Variants in FGGY observed in about 807,000 individuals in gnomAD.
The protein encoded by FGGY is FGGY carbohydrate kinase domain containing.
A neutral mutation model predicts 71.3 loss-of-function variants in FGGY; 72 were observed. The ratio of observed to expected loss-of-function variants is 1.01; its 90% CI spans 0.84 to 1.23. The LOEUF is 1.23. Ranked by LOEUF, FGGY falls within the 50% of genes most tolerant of loss-of-function variation. FGGY has a pLI of 0.00. For missense variants in FGGY, 668 were observed against 682.3 expected, an observed-to-expected ratio of 0.98 and a Z score of 0.23; for synonymous variants, 251 against 250.3, an observed-to-expected ratio of 1.00 and a Z score of -0.02.
At chr1:59,578,906 G>A (rs1422359504) in intron 8 of FGGY, among the ~76,000 whole-genome samples, 4 of 152,038 alleles carry the variant, frequency 2.6e-5, no homozygotes, top group Non-Finnish European at 5.9e-5. Context: ...GAGGGGGAGA[G>A]CGAGGTAGAA....
chr1:59,372,751 C>A (rs1274850998), intron 4 of FGGY, among the ~76,000 whole-genome samples: 1 of 152,014 alleles, frequency 6.6e-6, no homozygotes, highest in East Asian at 1.9e-4. Context: ...AAGGCTGGTC[C>A]AATATACGCA....
chr1:59,462,048 T>C (rs1278436361), intron 6 of FGGY, among the ~76,000 whole-genome samples: 1 of 145,818 alleles, frequency 6.9e-6, no homozygotes, highest in Non-Finnish European at 1.5e-5. Flanking sequence ...CATTGTTCAA[T>C]TCCCATCTAT....
intron 14 of FGGY, among the ~76,000 whole-genome samples, chr1:59,720,733 G>A (rs956779737): frequency 6.6e-6 from 1 of 152,070 alleles, no homozygotes. Context: ...GGGGAGGGAG[G>A]TATATTATGA....
chr1:59,407,549 G>A (rs1016721135), intron 5 of FGGY, among the ~76,000 whole-genome samples: 5 of 151,952 alleles, frequency 3.3e-5, no homozygotes, highest in African/African-American at 7.3e-5. Context: ...GCTCATCCAC[G>A]GGGAGAGAGA....
intron 6 of FGGY, among the ~76,000 whole-genome samples, chr1:59,472,389 G>A (rs1053493227): frequency 5.9e-5 from 9 of 152,202 alleles, no homozygotes; most frequent in African/African-American, 2.2e-4. Flanking sequence ...GCTCCTGTGG[G>A]GCCCGAGCCT....
At chr1:59,621,711 T>C (rs1237423307) in intron 9 of FGGY, among the ~76,000 whole-genome samples, 3 of 151,988 alleles carry the variant, frequency 2.0e-5, no homozygotes, top group Admixed American at 6.6e-5. Context: ...ATTCTTTCCC[T>C]TTATATAATA....
At chr1:59,706,138 G>A (rs1049188321) in intron 14 of FGGY, among the ~76,000 whole-genome samples, 1 of 152,150 alleles carries the variant, frequency 6.6e-6, no homozygotes, top group African/African-American at 2.4e-5. Context: ...AACTCACTGA[G>A]CCTCCTGCCT....
At chr1:59,515,991 G>A (rs2094637121) in intron 7 of FGGY, among the ~76,000 whole-genome samples, 1 of 152,200 alleles carries the variant, frequency 6.6e-6, no homozygotes. Flanking sequence ...TTAGATGCCA[G>A]CAGTGGCTGG....
At chr1:59,331,410 C>A (rs1329377366) in intron 2 of FGGY, among the ~76,000 whole-genome samples, 1 of 152,146 alleles carries the variant, frequency 6.6e-6, no homozygotes, top group African/African-American at 2.4e-5. Flanking sequence ...GTAATGCACG[C>A]CCCAACACAA....
intron 8 of FGGY, among the ~76,000 whole-genome samples, chr1:59,572,804 C>G (rs1048283612): frequency 6.6e-6 from 1 of 152,154 alleles, no homozygotes; most frequent in Non-Finnish European, 1.5e-5. Context: ...TGAGCTGCTC[C>G]CCAGTGAGTA....
intron 5 of FGGY, among the ~76,000 whole-genome samples, chr1:59,448,787 C>G (rs541328782): frequency 6.6e-6 from 1 of 152,002 alleles, no homozygotes; most frequent in South Asian, 2.1e-4. Flanking sequence ...TTCCAGAAGG[C>G]CAGATAGAGC....
At chr1:59,499,302 T>TTTTTTTTTTTTG (rs2094148944) in intron 6 of FGGY, among the ~76,000 whole-genome samples, 2 of 143,192 alleles carry the variant, frequency 1.4e-5, no homozygotes, top group African/African-American at 5.4e-5. Flanking sequence ...TATGTTTGTT[T>TTTTTTTTTTTTG]TTTTTTTTTT....
intron 6 of FGGY, among the ~76,000 whole-genome samples, chr1:59,494,492 G>A (rs2153594757): frequency 6.6e-6 from 1 of 152,294 alleles, no homozygotes; most frequent in Non-Finnish European, 1.5e-5. Flanking sequence ...ACAAGTGATG[G>A]GGTAAGAGGT....
intron 2 of FGGY, among the ~76,000 whole-genome samples, chr1:59,332,710 G>A (rs2048732560): frequency 6.6e-6 from 1 of 152,184 alleles, no homozygotes; most frequent in Non-Finnish European, 1.5e-5. Context: ...CTGTAGGTCT[G>A]TTGAGGGGAT....
intron 14 of FGGY, among the ~76,000 whole-genome samples, chr1:59,715,509 G>A (rs922777911): frequency 2.6e-5 from 4 of 152,156 alleles, no homozygotes; most frequent in African/African-American, 9.7e-5. Context: ...TTTGGTCTTG[G>A]TTCTAATACA....
chr1:59,589,280 C>T (rs1192630960), intron 8 of FGGY, among the ~76,000 whole-genome samples: 1 of 152,188 alleles, frequency 6.6e-6, no homozygotes, highest in African/African-American at 2.4e-5. Context: ...CACGCAGTTT[C>T]ATAATGCAAG....
At chr1:59,422,696 GAA>G (rs138277726) in intron 5 of FGGY, among the ~76,000 whole-genome samples, 1 of 125,856 alleles carries the variant, frequency 7.9e-6, no homozygotes. Context: ...TGTCTCAAAG[GAA>G]AAAAAAAAAA....
rs373539875 is a variant in FGGY, at chr1:59,313,603, CAT to C, written c.-14-7932_-14-7931del. ...ACACACGCACGCACACACACACACA[CAT>C]GATGGAATACTACTCAGCCATAAAA... is the stretch of plus-strand genomic sequence containing the variant. On this transcript the variant is annotated intron_variant, in intron 1 of 15. Transcript: ENST00000303721. Among the ~76,000 whole-genome samples the C allele has an allele frequency of 9.0e-3, 1,374 of 152,160 alleles. 9 individuals are homozygous for C. Among genetic ancestry groups the C allele is most frequent in the African/African-American group, 0.02 (825 of 41,490 alleles).
intron 14 of FGGY, among the ~76,000 whole-genome samples, chr1:59,749,734 G>A (rs771699122): frequency 1.3e-5 from 2 of 152,096 alleles, no homozygotes; most frequent in Non-Finnish European, 2.9e-5. Context: ...TGGCATTGTT[G>A]TGTTTTACCT....
Sources: allele counts gnomAD v4.1 joint callset (sites outside exome capture counted in the v4.1 genomes callset), GRCh38; gene constraint gnomAD v4.1.1; transcripts MANE v1.5; gene names NCBI Gene and HGNC (gene_info 2026-07-23, HGNC 2026-07-21).